Variants in PACRGL observed in about 807,000 individuals in gnomAD.
PACRGL encodes PACRG-like protein.
PACRGL carries 38 observed loss-of-function variants against 34.5 expected under a neutral mutation model. The ratio of observed to expected loss-of-function variants is 1.10; its 90% CI spans 0.85 to 1.44. The LOEUF (loss-of-function observed/expected upper bound fraction) is 1.44. Among genes scored for constraint, PACRGL ranks in the 40% most tolerant of loss-of-function variants. The probability of loss-of-function intolerance (pLI) is 0.00; values close to 1 mark genes in which losing one functional copy is unlikely to be tolerated. For synonymous variants in PACRGL, 128 were observed against 100.1 expected (o/e 1.28, Z -1.66); for missense variants, 305 against 281.4 (o/e 1.08, Z -0.60).
downstream of PACRGL, among the ~76,000 whole-genome samples, chr4:20,734,115 C>T (rs1448683629): frequency 2.6e-5 from 4 of 152,108 alleles, no homozygotes; most frequent in Non-Finnish European, 4.4e-5. Flanking sequence ...CTTTACTTCT[C>T]GCTGTGTTTT....
intron 8 of PACRGL, among the ~76,000 whole-genome samples, chr4:20,748,516 A>G (rs1752849024): frequency 6.8e-6 from 1 of 146,792 alleles, no homozygotes; most frequent in Non-Finnish European, 1.5e-5. Context: ...CATATTTAAG[A>G]TGCATCCTTC....
At chr4:20,742,817 T>C (rs567206355) in intron 8 of PACRGL, among the ~76,000 whole-genome samples, 3 of 152,194 alleles carry the variant, frequency 2.0e-5, no homozygotes, top group East Asian at 3.9e-4. Flanking sequence ...TAGAAAACCC[T>C]GTCGTCTCAG....
chr4:20,756,172 T>TA (rs61417409), downstream of PACRGL, among the ~76,000 whole-genome samples: 3,133 of 139,138 alleles, frequency 0.023, 56 homozygotes, highest in South Asian at 0.064. Context: ...TGGAAAGTAG[T>TA]AAAAAAAAAA....
the PACRGL span, among the ~76,000 whole-genome samples, chr4:20,764,681 G>GAGACACAC: frequency 6.8e-6 from 1 of 147,108 alleles, no homozygotes; most frequent in Admixed American, 6.8e-5. Context: ...ATGGGAATTG[G>GAGACACAC]ACACACACAC....
chr4:20,764,147 A>T, the PACRGL span, among the ~76,000 whole-genome samples: 1 of 152,122 alleles, frequency 6.6e-6, no homozygotes, highest in East Asian at 1.9e-4. Flanking sequence ...ATTTTGTCTG[A>T]TTATTAGCAA....
chr4:20,724,743 T>C (rs1452523577), intron 7 of PACRGL, 65 bp from the exon 8 acceptor site: 2 of 854,796 alleles, frequency 2.3e-6, no homozygotes, highest in Non-Finnish European at 3.2e-6. Flanking sequence ...AAGATTTACT[T>C]ATGCGTATGG....
intron 7 of PACRGL, among the ~76,000 whole-genome samples, chr4:20,723,950 A>G (rs975621065): frequency 3.3e-5 from 5 of 152,132 alleles, no homozygotes; most frequent in Admixed American, 2.0e-4. Flanking sequence ...CCTCACCCCC[A>G]TCTTCCATAC....
At chr4:20,750,374 TC>T (rs1417571995) in intron 8 of PACRGL, among the ~76,000 whole-genome samples, 2 of 152,106 alleles carry the variant, frequency 1.3e-5, no homozygotes, top group African/African-American at 4.8e-5. Context: ...TTGGGAAGTT[TC>T]TGTGGCTGTG....
At chr4:20,737,956 A>G (rs1232435976) in intron 8 of PACRGL, among the ~76,000 whole-genome samples, 3 of 152,058 alleles carry the variant, frequency 2.0e-5, no homozygotes, top group Admixed American at 2.0e-4. Flanking sequence ...ACGCAGCCAG[A>G]TCCAAATTAA....
rs1391332279 is a variant in PACRGL, at chr4:20,724,815, A to G, written c.617A>G (p.Lys206Arg). The change falls in exon 8 of 9, where the codon AAG (lysine) becomes AGG (arginine). Residue 206 changes from lysine (K) to arginine (R), a missense_variant. Coordinates refer to ENST00000503585, the MANE Select transcript of PACRGL (RefSeq NM_001258345.3). ...CTAATCTTACTTTAAAAGCTTTCCA[A>G]GAGATTAATGGACAAGAAATTCAAA... ...HLKHLLTSLS[K>R]RLMDKKFKEP... is the part of the protein sequence containing the mutation. 28 of 1,483,144 alleles carry G rather than the reference A, an allele frequency of 1.9e-5. No individual in the cohort carries two copies. The highest frequency in any genetic ancestry group is 1.0e-4 in the East Asian group (4 of 39,132). The allele number at this position is 1,483,144 out of a possible 1,614,324, so 91.9% of individuals were successfully genotyped here.
Position 20,729,255 on chromosome 4 carries a change from T to C in PACRGL, c.*1914T>C, listed in dbSNP as rs1020462874. 15 of 151,964 alleles carry C rather than the reference T, an allele frequency of 9.9e-5. No individual in the cohort carries two copies. Among genetic ancestry groups the C allele is most frequent in the Admixed American group, 7.9e-4 (12 of 15,200 alleles). 9.4% of individuals were successfully genotyped at this position (151,964 alleles called of 1,614,324 possible). On this transcript the variant is annotated 3_prime_UTR_variant, in exon 9 of 9. Transcript: ENST00000503585. The stretch of plus-strand genomic sequence containing the variant: ...TACTGGAGGATAGATATCCTGACCC[T>C]TTGCATATGTCTGTAAACATCCTTG...
downstream of PACRGL, among the ~76,000 whole-genome samples, chr4:20,737,080 C>G (rs142851520): frequency 6.6e-6 from 1 of 152,264 alleles, no homozygotes; most frequent in African/African-American, 2.4e-5. Context: ...ATATATGGTG[C>G]TGTGGCAACT....
downstream of PACRGL, among the ~76,000 whole-genome samples, chr4:20,736,777 T>A (rs1749728933): frequency 6.6e-6 from 1 of 152,230 alleles, no homozygotes; most frequent in Non-Finnish European, 1.5e-5. Flanking sequence ...AGACCTTTTT[T>A]AGCAAAAATG....
Position 20,731,495 on chromosome 4 carries a change from G to GTT in PACRGL, c.*4156_*4157dup. 1.0e-6 allele frequency: 1 copy of GTT among 970,472 alleles called. No homozygotes were observed. Among genetic ancestry groups the GTT allele is most frequent in the Non-Finnish European group, 1.2e-6 (1 of 815,874 alleles). 60.1% of individuals were successfully genotyped at this position (970,472 alleles called of 1,614,324 possible). ...TTCTCTTCAGAGAAAATTTTCCACTGTTTATTTTTTGTGACTGAAGACCAT... is the reference window on the plus strand; with the variant it reads ...TTCTCTTCAGAGAAAATTTTCCACTGTTTTTATTTTTTGTGACTGAAGACCAT... On this transcript the variant is annotated 3_prime_UTR_variant, in exon 9 of 9. Coordinates refer to ENST00000503585, the MANE Select transcript of PACRGL (RefSeq NM_001258345.3).
chr4:20,699,503 C>T (rs1236126884), upstream of PACRGL, among the ~76,000 whole-genome samples: 1 of 152,094 alleles, frequency 6.6e-6, no homozygotes, highest in Admixed American at 6.6e-5. Context: ...ATAAAAAGGG[C>T]AAAGTTAAAA....
At chr4:20,753,771 T>C (rs2149349547), downstream of PACRGL, among the ~76,000 whole-genome samples, 1 of 152,336 alleles carries the variant, frequency 6.6e-6, no homozygotes, top group South Asian at 2.1e-4. Flanking sequence ...ACAAGAAGGA[T>C]ACTCAGTGGG....
chr4:20,725,729 C>A (rs927606440), intron 8 of PACRGL, among the ~76,000 whole-genome samples: 3 of 151,866 alleles, frequency 2.0e-5, no homozygotes, highest in African/African-American at 7.3e-5. Context: ...TAGCGAAATA[C>A]CTCATTTGAC....
upstream of PACRGL, among the ~76,000 whole-genome samples, chr4:20,700,109 G>C (rs576075196): frequency 2.0e-4 from 30 of 152,152 alleles, no homozygotes; most frequent in Non-Finnish European, 4.0e-4. Context: ...CGAGTATTGA[G>C]GGTAAGATAG....
chr4:20,703,844 G>A (rs114166394), intron 1 of PACRGL, among the ~76,000 whole-genome samples: 19 of 152,242 alleles, frequency 1.2e-4, no homozygotes, highest in African/African-American at 3.9e-4. Context: ...TTCTCATCAC[G>A]TGTAGCATTG....
Sources: allele counts gnomAD v4.1 joint callset (sites outside exome capture counted in the v4.1 genomes callset), GRCh38; gene constraint gnomAD v4.1.1; transcripts MANE v1.5; gene names NCBI Gene and HGNC (gene_info 2026-07-23, HGNC 2026-07-21).